The following FHIT variants were observed in gnomAD, a reference collection of about 807,000 sequenced individuals.
FHIT encodes the protein bis(5'-adenosyl)-triphosphatase.
A neutral mutation model predicts 17.9 loss-of-function variants in FHIT; 19 were observed. The ratio of observed to expected loss-of-function variants is 1.06; its 90% CI spans 0.74 to 1.56. FHIT has a LOEUF of 1.56. Ranked by LOEUF, FHIT falls within the 40% of genes most tolerant of loss-of-function variation. The pLI is 0.00. For synonymous variants in FHIT, 81 were observed against 69.7 expected (o/e 1.16, Z -0.81); for missense variants, 248 against 189.2 (o/e 1.31, Z -1.82).
intron 3 of FHIT, among the ~76,000 whole-genome samples, chr3:60,946,886 A>G (rs1708663943): frequency 6.6e-6 from 1 of 152,210 alleles, no homozygotes; most frequent in Admixed American, 6.5e-5. Context: ...GCCATCCTAT[A>G]AGATAGACAA....
chr3:60,179,842 G>A (rs577760604), intron 5 of FHIT, among the ~76,000 whole-genome samples: 8 of 152,120 alleles, frequency 5.3e-5, no homozygotes, highest in South Asian at 2.1e-4. Context: ...GGTTCTCTTC[G>A]TTCTGCATGC....
At chr3:60,641,432 A>G (rs565077503) in intron 4 of FHIT, among the ~76,000 whole-genome samples, 2 of 152,282 alleles carry the variant, frequency 1.3e-5, no homozygotes, top group South Asian at 4.2e-4. Flanking sequence ...TTGAAGATTA[A>G]AATACCCACA....
At chr3:61,040,546 C>T (rs2033458227) in intron 3 of FHIT, among the ~76,000 whole-genome samples, 1 of 152,048 alleles carries the variant, frequency 6.6e-6, no homozygotes, top group African/African-American at 2.4e-5. Context: ...TTTTAAAATA[C>T]TCTAATGTTA....
At chr3:60,549,287 A>C (rs756795712) in intron 4 of FHIT, among the ~76,000 whole-genome samples, 15 of 152,192 alleles carry the variant, frequency 9.9e-5, no homozygotes, top group Non-Finnish European at 1.6e-4. Context: ...GAGGTAGAGC[A>C]GTGTCAAAAA....
intron 5 of FHIT, among the ~76,000 whole-genome samples, chr3:60,451,041 T>C (rs2031705585): frequency 6.6e-6 from 1 of 152,164 alleles, no homozygotes; most frequent in South Asian, 2.1e-4. Flanking sequence ...TTAGGAGTTC[T>C]TGGGCCAACG....
intron 5 of FHIT, among the ~76,000 whole-genome samples, chr3:60,141,932 G>A (rs951089293): frequency 2.2e-4 from 34 of 152,122 alleles, no homozygotes; most frequent in African/African-American, 7.0e-4. Context: ...TGATTGGAAC[G>A]CCAAGTGTCA....
chr3:60,263,533 A>C (rs1706406579), intron 5 of FHIT, among the ~76,000 whole-genome samples: 1 of 152,024 alleles, frequency 6.6e-6, no homozygotes, highest in South Asian at 2.1e-4. Flanking sequence ...TGACACATGC[A>C]GTAACAAGAA....
At chr3:60,605,392 A>C (rs1224959319) in intron 4 of FHIT, among the ~76,000 whole-genome samples, 1 of 152,206 alleles carries the variant, frequency 6.6e-6, no homozygotes, top group African/African-American at 2.4e-5. Context: ...CTTTCCAGAG[A>C]AAGGTTCCAC....
chr3:60,402,552 A>G (rs1701703780), intron 5 of FHIT, among the ~76,000 whole-genome samples: 1 of 152,312 alleles, frequency 6.6e-6, no homozygotes, highest in African/African-American at 2.4e-5. Flanking sequence ...AATAGCCTTC[A>G]TTTTCACAAG....
At chr3:60,522,034 AG>A (rs1322982122) in intron 5 of FHIT, among the ~76,000 whole-genome samples, 2 of 150,716 alleles carry the variant, frequency 1.3e-5, no homozygotes, top group African/African-American at 4.9e-5. Context: ...TGTAGGTCAG[AG>A]GGTGGCAGGT....
chr3:60,977,985 T>A (rs1710335581), intron 3 of FHIT, among the ~76,000 whole-genome samples: 1 of 152,214 alleles, frequency 6.6e-6, no homozygotes, highest in Non-Finnish European at 1.5e-5. Flanking sequence ...ATTCCTTAAT[T>A]TTATGCTCTT....
At chr3:59,881,137 T>A (rs1400407370) in intron 8 of FHIT, among the ~76,000 whole-genome samples, 13 of 152,208 alleles carry the variant, frequency 8.5e-5, no homozygotes, top group Admixed American at 8.5e-4. Context: ...AACAATTCTC[T>A]TTTCATCTAT....
intron 4 of FHIT, among the ~76,000 whole-genome samples, chr3:60,641,762 A>G (rs2039730384): frequency 6.6e-6 from 1 of 152,080 alleles, no homozygotes; most frequent in South Asian, 2.1e-4. Flanking sequence ...GCAGCCAAAA[A>G]CCAGATTCTG....
intron 2 of FHIT, among the ~76,000 whole-genome samples, chr3:61,193,352 T>G (rs1262576706): frequency 6.6e-6 from 1 of 152,126 alleles, no homozygotes; most frequent in Non-Finnish European, 1.5e-5. Context: ...GGGATAGTGA[T>G]GGGATACTGG....
At chr3:60,906,239 C>G (rs1706409334) in intron 3 of FHIT, among the ~76,000 whole-genome samples, 1 of 152,096 alleles carries the variant, frequency 6.6e-6, no homozygotes, top group Non-Finnish European at 1.5e-5. Context: ...AATTCTGAAA[C>G]TATTTTCCGT....
chr3:60,788,867 A>G (rs1283402077), intron 4 of FHIT, among the ~76,000 whole-genome samples: 1 of 152,148 alleles, frequency 6.6e-6, no homozygotes, highest in Non-Finnish European at 1.5e-5. Context: ...TATATATGGC[A>G]CATTCAATTT....
chr3:61,097,893 G>A (rs1353630401), intron 2 of FHIT, among the ~76,000 whole-genome samples: 2 of 152,116 alleles, frequency 1.3e-5, no homozygotes, highest in Non-Finnish European at 2.9e-5. Flanking sequence ...CTCCCATTCT[G>A]TAGGTTGTCT....
At chr3:60,910,967 C>A (rs1014259647) in intron 3 of FHIT, among the ~76,000 whole-genome samples, 28 of 152,140 alleles carry the variant, frequency 1.8e-4, no homozygotes, top group Admixed American at 3.3e-4. Context: ...TACCCACTTA[C>A]AAAGGGAAGA....
chr3:61,207,859 A>G (rs1042234485), intron 1 of FHIT, among the ~76,000 whole-genome samples: 26 of 151,238 alleles, frequency 1.7e-4, no homozygotes, highest in Admixed American at 1.5e-3. Flanking sequence ...GCCTTCTGCT[A>G]GTGTTGAGTG....
Sources: allele counts gnomAD v4.1 joint callset (sites outside exome capture counted in the v4.1 genomes callset), GRCh38; gene constraint gnomAD v4.1.1; transcripts MANE v1.5; gene names NCBI Gene and HGNC (gene_info 2026-07-23, HGNC 2026-07-21).